The following PTPRK variants were observed in gnomAD, a reference collection of about 807,000 sequenced individuals.
The protein encoded by PTPRK is receptor-type tyrosine-protein phosphatase kappa.
PTPRK carries 75 observed loss-of-function variants against 178.0 expected under a neutral mutation model. The observed-to-expected ratio is 0.42, with a 90% confidence interval of 0.35 to 0.51. PTPRK has a LOEUF of 0.51. PTPRK is among the 20% of genes least tolerant of loss of function. The probability of loss-of-function intolerance (pLI) is 0.02; values close to 1 mark genes in which losing one functional copy is unlikely to be tolerated. For missense variants in PTPRK, 1,441 were observed against 1,797.8 expected, an observed-to-expected ratio of 0.80 and a Z score of 3.59; for synonymous variants, 637 against 620.6, an observed-to-expected ratio of 1.03 and a Z score of -0.39.
chr6:128,126,391 A>G (rs1305797138), intron 7 of PTPRK, among the ~76,000 whole-genome samples: 1 of 152,142 alleles, frequency 6.6e-6, no homozygotes, highest in Non-Finnish European at 1.5e-5. Context: ...TCGTTTGCCT[A>G]CCAAAGGGCA....
intron 7 of PTPRK, among the ~76,000 whole-genome samples, chr6:128,182,079 AT>A (rs1419391176): frequency 6.6e-6 from 1 of 152,166 alleles, no homozygotes; most frequent in African/African-American, 2.4e-5. Context: ...ATTAGCTATA[AT>A]AAACATGTGA....
intron 2 of PTPRK, among the ~76,000 whole-genome samples, chr6:128,392,145 CA>C (rs1839683403): frequency 6.6e-6 from 1 of 152,234 alleles, no homozygotes; most frequent in East Asian, 1.9e-4. Flanking sequence ...GGTGGCTCCT[CA>C]GAAAAACACT....
At chr6:127,992,647 T>C (rs768014786) in intron 19 of PTPRK, 26 bp downstream of exon 19, 16 of 1,574,596 alleles carry the variant, frequency 1.0e-5, no homozygotes, top group African/African-American at 1.4e-5. Context: ...GTTTTTTCTA[T>C]AACATTTAAC....
intron 3 of PTPRK, among the ~76,000 whole-genome samples, chr6:128,265,628 G>A (rs1379953997): frequency 1.3e-5 from 2 of 152,144 alleles, no homozygotes; most frequent in African/African-American, 4.8e-5. Context: ...TTACTATGCA[G>A]TGTGATATAT....
In PTPRK at chr6:128,217,605, A is replaced by T. The variant is rs188397334; in HGVS notation, c.868+1317T>A. Among the ~76,000 whole-genome samples, 8 of 152,338 alleles carry T rather than the reference A, an allele frequency of 5.3e-5. No individual in the cohort carries two copies. The East Asian group carries it at 1.5e-3, about 29-fold the overall frequency. On this transcript the variant is annotated intron_variant, in intron 6 of 29. Coordinates refer to ENST00000368226, the MANE Select transcript of PTPRK (RefSeq NM_002844.4). ...AGGTTAAAGTATTAAAAACAAGACAATATTGAATAATATATGTAAAAGATA... is the reference window on the plus strand; with the variant it reads ...AGGTTAAAGTATTAAAAACAAGACATTATTGAATAATATATGTAAAAGATA...
At chr6:128,176,690 AAAG>A (rs1253162158) in intron 7 of PTPRK, among the ~76,000 whole-genome samples, 1 of 151,718 alleles carries the variant, frequency 6.6e-6, no homozygotes, top group African/African-American at 2.4e-5. Context: ...GGTGGAGAGG[AAAG>A]AAGATTGAAG....
chr6:127,990,192 T>C (rs904881633), intron 21 of PTPRK, among the ~76,000 whole-genome samples: 1 of 152,132 alleles, frequency 6.6e-6, no homozygotes, highest in East Asian at 1.9e-4. Context: ...GTGATTTCTC[T>C]GCCTTCATTT....
intron 1 of PTPRK, among the ~76,000 whole-genome samples, chr6:128,463,409 TCTGCTTAC>T (rs1849330231): frequency 6.6e-6 from 1 of 152,178 alleles, no homozygotes; most frequent in African/African-American, 2.4e-5. Context: ...ACTGGGGGTC[TCTGCTTAC>T]ACATGTTGAA....
intron 13 of PTPRK, among the ~76,000 whole-genome samples, chr6:128,032,406 T>C (rs1166468300): frequency 6.6e-6 from 1 of 152,180 alleles, no homozygotes; most frequent in African/African-American, 2.4e-5. Flanking sequence ...CAACAGGAGA[T>C]GGGTTATTCC....
chr6:127,978,825 G>C (rs992648100), intron 25 of PTPRK, among the ~76,000 whole-genome samples: 2 of 152,160 alleles, frequency 1.3e-5, no homozygotes, highest in Non-Finnish European at 2.9e-5. Context: ...CTTGGCCCTA[G>C]CTCCTAATCC....
intron 1 of PTPRK, among the ~76,000 whole-genome samples, chr6:128,403,654 A>G (rs1430173506): frequency 6.6e-6 from 1 of 152,124 alleles, no homozygotes; most frequent in African/African-American, 2.4e-5. Context: ...TATGCTATAC[A>G]GATGCACATA....
At chr6:128,296,759 A>G (rs1824490869) in intron 3 of PTPRK, among the ~76,000 whole-genome samples, 1 of 152,222 alleles carries the variant, frequency 6.6e-6, no homozygotes, top group Non-Finnish European at 1.5e-5. Flanking sequence ...GGTACCAGCC[A>G]CTGCAAAATC....
chr6:128,389,426 TG>T (rs779891021), intron 2 of PTPRK, among the ~76,000 whole-genome samples: 1,749 of 148,002 alleles, frequency 0.012, 12 homozygotes, highest in Non-Finnish European at 0.019. Flanking sequence ...TTTTTTGTTG[TG>T]TGTGTGTGTG....
Position 128,067,615 on chromosome 6 carries a change from C to G in PTPRK, c.2061G>C (p.Val687=), listed in dbSNP as rs779796999. Residue 687 remains valine, a synonymous_variant, in exon 12 of 30, where the codon GTG becomes GTC. Coordinates refer to ENST00000368226, the MANE Select transcript of PTPRK (RefSeq NM_002844.4). The part of the protein sequence containing the change: ...GNLPEPAPFT[V]GDNRTYQGFW... ...AGCCTTGGTAGGTCCGATTGTCACC[C>G]ACAGTGAACGGGGCAGGCTCAGGTA... 1 of 1,613,332 alleles carries G rather than the reference C, an allele frequency of 6.2e-7. No homozygotes were observed. Among genetic ancestry groups the G allele is most frequent in the Non-Finnish European group, 8.5e-7 (1 of 1,179,592 alleles).
intron 3 of PTPRK, among the ~76,000 whole-genome samples, chr6:128,277,869 T>A (rs1360401389): frequency 6.6e-6 from 1 of 150,634 alleles, no homozygotes; most frequent in African/African-American, 2.4e-5. Context: ...AGGGGCTGAA[T>A]AATCTAATTT....
At chr6:128,238,096 A>C (rs1235051345) in intron 5 of PTPRK, 3 of 446,316 alleles carry the variant, frequency 6.7e-6, no homozygotes, top group Non-Finnish European at 1.3e-5. Flanking sequence ...GAATAAATTA[A>C]GGTGAATATG....
chr6:128,152,070 G>C (rs1797329376), intron 7 of PTPRK, among the ~76,000 whole-genome samples: 1 of 151,992 alleles, frequency 6.6e-6, no homozygotes, highest in Admixed American at 6.6e-5. Flanking sequence ...CTCTGAAAAG[G>C]CATAGGATGT....
At chr6:128,481,366 T>C (rs1852057343) in intron 1 of PTPRK, among the ~76,000 whole-genome samples, 1 of 152,174 alleles carries the variant, frequency 6.6e-6, no homozygotes, top group Admixed American at 6.5e-5. Context: ...TACCAAATGC[T>C]CTGCATTTTA....
At chr6:128,018,178 A>G (rs1779828904) in intron 13 of PTPRK, among the ~76,000 whole-genome samples, 1 of 152,062 alleles carries the variant, frequency 6.6e-6, no homozygotes. Flanking sequence ...TTTATGGCTA[A>G]TGATTTTTAC....
Sources: allele counts gnomAD v4.1 joint callset (sites outside exome capture counted in the v4.1 genomes callset), GRCh38; gene constraint gnomAD v4.1.1; transcripts MANE v1.5; gene names NCBI Gene and HGNC (gene_info 2026-07-23, HGNC 2026-07-21).